The following ABLIM2 variants were observed in gnomAD, a reference collection of about 807,000 sequenced individuals.
ABLIM2 encodes the protein actin binding LIM protein family member 2.
A neutral mutation model predicts 97.7 loss-of-function variants in ABLIM2; 53 were observed. That is an observed-to-expected ratio of 0.54 (90% CI 0.44 to 0.68). The LOEUF is 0.68. Ranked by LOEUF, ABLIM2 falls within the 30% of genes least tolerant of loss-of-function variation. The pLI, the probability that ABLIM2 is intolerant of heterozygous loss-of-function variation, is 0.00. For synonymous variants in ABLIM2, 361 were observed against 345.8 expected (o/e 1.04, Z -0.49); for missense variants, 835 against 867.2 (o/e 0.96, Z 0.47).
intron 10 of ABLIM2, 24 bp downstream of exon 10, chr4:8,036,125 G>C (rs1297624671): frequency 1.9e-6 from 3 of 1,612,230 alleles, no homozygotes; most frequent in South Asian, 1.1e-5. Context: ...CAGGTGTCCA[G>C]GGCCATGTGG....
chr4:8,052,321 C>T (rs191261573), intron 8 of ABLIM2, among the ~76,000 whole-genome samples: 33 of 152,312 alleles, frequency 2.2e-4, no homozygotes, highest in African/African-American at 7.7e-4. Flanking sequence ...GTGGTCACTT[C>T]GGAGTCACAC....
intron 2 of ABLIM2, among the ~76,000 whole-genome samples, chr4:8,098,924 A>C (rs1337500803): frequency 6.6e-6 from 1 of 152,180 alleles, no homozygotes; most frequent in Non-Finnish European, 1.5e-5. Flanking sequence ...TAAAAATGAA[A>C]ACTCAGAACG....
chr4:8,114,509 A>G (rs1578147043), intron 1 of ABLIM2, among the ~76,000 whole-genome samples: 1 of 152,240 alleles, frequency 6.6e-6, no homozygotes, highest in East Asian at 1.9e-4. Flanking sequence ...AGGCCTCCCT[A>G]CTGCCCCGCC....
At chr4:8,090,884 G>T (rs1826920941) in intron 3 of ABLIM2, among the ~76,000 whole-genome samples, 1 of 152,008 alleles carries the variant, frequency 6.6e-6, no homozygotes, top group Non-Finnish European at 1.5e-5. Context: ...TGCAACTGCT[G>T]GGGGCTTCTG....
chr4:8,017,340 G>A (rs1185677798), intron 14 of ABLIM2, among the ~76,000 whole-genome samples: 2 of 151,376 alleles, frequency 1.3e-5, no homozygotes, highest in Non-Finnish European at 2.9e-5. Context: ...TGTCACCCAG[G>A]CAGTGGCGCA....
At chr4:8,134,579 A>T (rs1366870889) in intron 1 of ABLIM2, among the ~76,000 whole-genome samples, 1 of 152,230 alleles carries the variant, frequency 6.6e-6, no homozygotes, top group Admixed American at 6.5e-5. Flanking sequence ...AAATAATCCA[A>T]CAGAAAAATA....
At chr4:8,065,016 A>G (rs35780384) in intron 6 of ABLIM2, among the ~76,000 whole-genome samples, 30,160 of 152,202 alleles carry the variant, frequency 0.2, 3,872 homozygotes, top group African/African-American at 0.36. Flanking sequence ...CTCAGAGGTC[A>G]AGGCAAGAGG....
At chr4:8,108,278 G>C (rs574978598) in intron 1 of ABLIM2, among the ~76,000 whole-genome samples, 21 of 152,358 alleles carry the variant, frequency 1.4e-4, no homozygotes, top group Middle Eastern at 6.8e-3. Flanking sequence ...GACCACCGCA[G>C]TGCGGCAGCC....
At chr4:7,985,804 G>A (rs1244960959) in intron 17 of ABLIM2, among the ~76,000 whole-genome samples, 1 of 152,168 alleles carries the variant, frequency 6.6e-6, no homozygotes, top group African/African-American at 2.4e-5. Context: ...CCATTTTAGC[G>A]CATTGAGACC....
rs1307905021 is a variant in ABLIM2, at chr4:8,091,588, ATATATAT to A, written c.339-3311_339-3305del. 5.9e-4 allele frequency among the ~76,000 whole-genome samples: 18 copies of A among 30,390 alleles called. 2 individuals carry two copies. In the South Asian group the frequency reaches 0.015, roughly 26 times the overall value. The allele number at this position is 30,390 out of a possible 152,430, so 19.9% of individuals were successfully genotyped here. ...ATTATATATAATTTTATATAAAATTATATATATAATTATATATATTATGTATAATTTT... is the reference window on the plus strand; with the variant it reads ...ATTATATATAATTTTATATAAAATTAAATTATATATATTATGTATAATTTT... On this transcript the variant is annotated intron_variant, in intron 3 of 20. Coordinates refer to ENST00000447017, the MANE Select transcript of ABLIM2 (RefSeq NM_001130083.2).
Position 8,001,037 on chromosome 4 carries a change from C to T in ABLIM2, c.1618+7022G>A, listed in dbSNP as rs1756811379. Among the ~76,000 whole-genome samples the T allele has an allele frequency of 6.6e-6, 1 of 152,216 alleles. No homozygotes were observed. The highest frequency in any genetic ancestry group is 2.4e-5 in the African/African-American group (1 of 41,462). On this transcript the variant is annotated intron_variant, in intron 16 of 20. Transcript: ENST00000447017. The surrounding 1 kb of genome is among the most constrained non-coding windows in gnomAD (Gnocchi z 4.2). ...CTCGCTTGGGCAGTTCCCATCCGCT[C>T]CTGGGTGCACGGGCAGGAGGTTTGG...
intron 1 of ABLIM2, among the ~76,000 whole-genome samples, chr4:8,119,903 C>T (rs540147091): frequency 2.6e-5 from 4 of 152,232 alleles, no homozygotes; most frequent in East Asian, 1.9e-4. Context: ...GCAGACCCTT[C>T]GCCTCCGCTC....
Position 7,998,453 on chromosome 4 carries a change from C to T in ABLIM2, c.1619-5526G>A, listed in dbSNP as rs889158217. On this transcript the variant is annotated intron_variant, in intron 16 of 20. Transcript: ENST00000447017. This position sits in a 1 kb window ranked among gnomAD's most constrained non-coding sequence, Gnocchi z 6.4. ...GTCTGCTAAATTCACCTGGAGCTGC[C>T]GGTCTGCCCACCTGGGTCCCTGCCG... 2.6e-5 allele frequency among the ~76,000 whole-genome samples: 4 copies of T among 151,374 alleles called. No homozygotes were observed. Among genetic ancestry groups the T allele is most frequent in the Admixed American group, 1.3e-4 (2 of 15,136 alleles).
intron 1 of ABLIM2, among the ~76,000 whole-genome samples, chr4:8,115,493 A>ATCTTAG: frequency 6.6e-6 from 1 of 152,296 alleles, no homozygotes; most frequent in East Asian, 1.9e-4. Flanking sequence ...CTTGGGGAAC[A>ATCTTAG]GGATGAACCT....
chr4:8,035,850 C>T (rs941509256), intron 10 of ABLIM2, among the ~76,000 whole-genome samples: 1 of 152,218 alleles, frequency 6.6e-6, no homozygotes, highest in Non-Finnish European at 1.5e-5. Flanking sequence ...GAGATTTTCA[C>T]TGAGTCACTA....
rs1461644068 is a variant in ABLIM2 at position 8,120,740 on chromosome 4, G to A, written c.11-14103C>T. 6.6e-6 allele frequency among the ~76,000 whole-genome samples: 1 copy of A among 152,174 alleles called. No individual in the cohort carries two copies. The highest frequency in any genetic ancestry group is 1.5e-5 in the Non-Finnish European group (1 of 68,036). The stretch of plus-strand genomic sequence containing the variant: ...CCTGATGAACCCGGGGCAAGCTCGT[G>A]ACATCACTAAGTTGAGACTTCACTG... On this transcript the variant is annotated intron_variant, in intron 1 of 20. Coordinates refer to ENST00000447017, the MANE Select transcript of ABLIM2 (RefSeq NM_001130083.2). This position sits in a 1 kb window ranked among gnomAD's most constrained non-coding sequence, Gnocchi z 5.6.
In ABLIM2 at chr4:8,043,811, C is replaced by T. The variant is rs1404873775; in HGVS notation, c.900+1353G>A. Among the ~76,000 whole-genome samples, 1 of 152,212 alleles carries T rather than the reference C, an allele frequency of 6.6e-6. No homozygotes were observed. Among genetic ancestry groups the T allele is most frequent in the Non-Finnish European group, 1.5e-5 (1 of 68,036 alleles). On this transcript the variant is annotated intron_variant, in intron 9 of 20. Transcript: ENST00000447017. The surrounding 1 kb of genome is among the most constrained non-coding windows in gnomAD (Gnocchi z 4.8). Reference sequence around the variant, plus strand: ...CCTTCTTCTGGGCAGGCGCTGTGCTCACTGCCACCCAGGCAGCGCCTCAGT... The same window carrying T: ...CCTTCTTCTGGGCAGGCGCTGTGCTTACTGCCACCCAGGCAGCGCCTCAGT...
At chr4:8,052,992 T>C (rs1797003810) in intron 8 of ABLIM2, among the ~76,000 whole-genome samples, 1 of 152,214 alleles carries the variant, frequency 6.6e-6, no homozygotes, top group African/African-American at 2.4e-5. Context: ...CTGTGGGCCT[T>C]AGGGGTGTCC....
chr4:8,142,532 G>A (rs1851144855), intron 1 of ABLIM2, among the ~76,000 whole-genome samples: 1 of 152,218 alleles, frequency 6.6e-6, no homozygotes, highest in South Asian at 2.1e-4. Context: ...CTCAAAACAA[G>A]TGCCCACCCC....
Sources: gnomAD v4.1 joint callset for allele counts (sites outside exome capture counted in the v4.1 genomes callset) on GRCh38, gnomAD v4.1.1 for gene constraint, Gnocchi (gnomAD v3.1) non-coding constraint, MANE v1.5 for transcripts, NCBI Gene and HGNC (gene_info 2026-07-23, HGNC 2026-07-21) for gene names.